Variants in ITPR2 observed in about 807,000 individuals in gnomAD.
ITPR2 encodes inositol 1,4,5-trisphosphate receptor type 2, also known as inositol 1,4,5-trisphosphate-gated calcium channel ITPR2.
Under a neutral mutation model 317.1 loss-of-function variants are expected in ITPR2, and 207 were observed. The observed-to-expected ratio is 0.65, with a 90% CI of 0.58 to 0.73. ITPR2 has a LOEUF of 0.73. ITPR2 is among the 30% of genes least tolerant of loss of function. The pLI, the probability that ITPR2 is intolerant of heterozygous loss-of-function variation, is 0.00. For missense variants in ITPR2, 2,613 were observed against 3,284.0 expected (o/e 0.80, Z 4.99); for synonymous variants, 1,156 against 1,149.1 (o/e 1.01, Z -0.12).
intron 10 of ITPR2, among the ~76,000 whole-genome samples, 199 bp from the exon 11 acceptor site, chr12:26,686,831 C>A (rs553232839): frequency 7.2e-5 from 11 of 152,302 alleles, no homozygotes; most frequent in African/African-American, 2.6e-4. Flanking sequence ...GTCCCACACT[C>A]CTAGGGCGGG....
Position 26,832,815 on chromosome 12 carries a change from C to T in ITPR2, c.-34G>A, listed in dbSNP as rs1187826076. 1.3e-6 allele frequency: 2 copies of T among 1,519,486 alleles called. No homozygotes were observed. The highest frequency in any genetic ancestry group is 3.5e-5 in the Admixed American group (2 of 57,950). 94.1% of individuals were successfully genotyped at this position (1,519,486 alleles called of 1,614,324 possible). On this transcript the variant is annotated 5_prime_UTR_variant, in exon 1 of 57. Coordinates refer to ENST00000381340, the MANE Select transcript of ITPR2 (RefSeq NM_002223.4). ...ATGTTCCACAGTGGACGTCCCTCTT[C>T]TTCCCTGCGCCCTCGCCGCCCTCTC...
chr12:26,629,598 A>C (rs1946701389), intron 22 of ITPR2, among the ~76,000 whole-genome samples: 1 of 151,284 alleles, frequency 6.6e-6, no homozygotes, highest in East Asian at 1.9e-4. Flanking sequence ...AAAAAAAAAA[A>C]ATCCTCCAAG....
intron 21 of ITPR2, among the ~76,000 whole-genome samples, chr12:26,645,125 G>A (rs545855167): frequency 6.6e-6 from 1 of 152,140 alleles, no homozygotes; most frequent in African/African-American, 2.4e-5. Flanking sequence ...TTGATCCTAA[G>A]AGCTCTCCCT....
intron 37 of ITPR2, among the ~76,000 whole-genome samples, chr12:26,515,300 C>T (rs1416202819): frequency 1.3e-5 from 2 of 152,124 alleles, no homozygotes; most frequent in Non-Finnish European, 2.9e-5. Context: ...AAGAGAAAAG[C>T]AGCATGTCTC....
At chr12:26,789,309 A>G (rs1950306008) in intron 2 of ITPR2, among the ~76,000 whole-genome samples, 1 of 152,234 alleles carries the variant, frequency 6.6e-6, no homozygotes, top group African/African-American at 2.4e-5. Flanking sequence ...CCCAGAGAGT[A>G]AAACATGGTA....
intron 53 of ITPR2, 104 bp downstream of exon 53, chr12:26,400,024 G>T: frequency 8.2e-7 from 1 of 1,220,770 alleles, no homozygotes; most frequent in Non-Finnish European, 1.1e-6. Context: ...AAAGCAAATG[G>T]TACAATATAT....
At chr12:26,637,339 T>C (rs1273217968) in intron 21 of ITPR2, among the ~76,000 whole-genome samples, 1 of 152,150 alleles carries the variant, frequency 6.6e-6, no homozygotes. Context: ...ATGATGGTAG[T>C]AGTATAGCAT....
chr12:26,517,521 G>T (rs865801178), intron 37 of ITPR2, among the ~76,000 whole-genome samples: 1 of 152,078 alleles, frequency 6.6e-6, no homozygotes, highest in African/African-American at 2.4e-5. Flanking sequence ...CAGTCAGAAA[G>T]GCTATTATTA....
chr12:26,828,952 T>C (rs1224636210), intron 1 of ITPR2, among the ~76,000 whole-genome samples: 4 of 152,208 alleles, frequency 2.6e-5, no homozygotes, highest in Non-Finnish European at 4.4e-5. Context: ...GGAAGACCTA[T>C]GGTCAGGAAA....
intron 3 of ITPR2, among the ~76,000 whole-genome samples, chr12:26,725,278 A>C (rs1167389964): frequency 6.6e-6 from 1 of 152,240 alleles, no homozygotes; most frequent in Non-Finnish European, 1.5e-5. Context: ...CAGACAAACC[A>C]TAAACAATGG....
chr12:26,401,536 T>C (rs1940176261), intron 52 of ITPR2, among the ~76,000 whole-genome samples: 1 of 152,200 alleles, frequency 6.6e-6, no homozygotes, highest in Admixed American at 6.5e-5. Flanking sequence ...TTTAAAGTAG[T>C]GAAAAATTAA....
rs545942273 is a variant in ITPR2 at position 26,403,820 on chromosome 12, C to T, written c.7400-3562G>A. Among the ~76,000 whole-genome samples the T allele has an allele frequency of 4.0e-5, 6 of 151,362 alleles. No individual in the cohort carries two copies. The South Asian group carries it at 8.3e-4, about 21-fold the overall frequency. On this transcript the variant is annotated intron_variant, in intron 52 of 56. Coordinates refer to ENST00000381340, the MANE Select transcript of ITPR2 (RefSeq NM_002223.4). The stretch of plus-strand genomic sequence containing the variant: ...CATCTCAAGTGCCAGGGACAGAAAG[C>T]CCCAGAGGTAGAAAAATGTATGCTT...
intron 48 of ITPR2, among the ~76,000 whole-genome samples, chr12:26,432,908 A>C (rs1941251496): frequency 6.6e-6 from 1 of 152,068 alleles, no homozygotes; most frequent in African/African-American, 2.4e-5. Flanking sequence ...CCCACCTCTA[A>C]ATCACTTCAC....
intron 37 of ITPR2, among the ~76,000 whole-genome samples, chr12:26,516,310 A>G (rs12816495): frequency 5.3e-3 from 661 of 124,470 alleles, no homozygotes; most frequent in East Asian, 0.012. Flanking sequence ...AGGAAAGGAA[A>G]GGAAAGGAAA....
intron 54 of ITPR2, among the ~76,000 whole-genome samples, chr12:26,398,489 G>A (rs562254314): frequency 6.6e-6 from 1 of 152,318 alleles, no homozygotes; most frequent in Admixed American, 6.5e-5. Flanking sequence ...ATGTCAGTGA[G>A]TAGAAGTTCA....
intron 54 of ITPR2, among the ~76,000 whole-genome samples, chr12:26,387,874 C>T (rs1939710932): frequency 6.6e-6 from 1 of 151,894 alleles, no homozygotes; most frequent in Non-Finnish European, 1.5e-5. Context: ...ATTTTAAATA[C>T]AGCCATATCA....
At chr12:26,664,572 C>T (rs993484309) in intron 14 of ITPR2, among the ~76,000 whole-genome samples, 2 of 152,028 alleles carry the variant, frequency 1.3e-5, no homozygotes, top group African/African-American at 2.4e-5. Flanking sequence ...TATGAAAGAG[C>T]GGTCAAGGGC....
intron 54 of ITPR2, among the ~76,000 whole-genome samples, chr12:26,390,596 G>GGATCAGATGAT (rs1294829825): frequency 1.3e-5 from 2 of 152,074 alleles, no homozygotes; most frequent in African/African-American, 4.8e-5. Flanking sequence ...GGAAGGTTAG[G>GGATCAGATGAT]GATCAGATGA....
At chr12:26,763,785 T>C (rs1322780139) in intron 2 of ITPR2, among the ~76,000 whole-genome samples, 1 of 152,026 alleles carries the variant, frequency 6.6e-6, no homozygotes, top group Non-Finnish European at 1.5e-5. Flanking sequence ...TAAGACTGGG[T>C]AAAATTACAG....
Sources: gnomAD v4.1 joint callset for allele counts (sites outside exome capture counted in the v4.1 genomes callset) on GRCh38, gnomAD v4.1.1 for gene constraint, MANE v1.5 for transcripts, NCBI Gene and HGNC (gene_info 2026-07-23, HGNC 2026-07-21) for gene names.